The following FAM135A variants were observed in gnomAD, a reference collection of about 807,000 sequenced individuals.
The protein encoded by FAM135A is protein FAM135A.
A neutral mutation model predicts 146.8 loss-of-function variants in FAM135A; 79 were observed. That is an observed-to-expected ratio of 0.54 (90% CI 0.45 to 0.65). The LOEUF (loss-of-function observed/expected upper bound fraction) is 0.65. Among genes scored for constraint, FAM135A ranks in the 30% least tolerant of loss-of-function variants. The probability of loss-of-function intolerance (pLI) is 0.00; values close to 1 mark genes in which losing one functional copy is unlikely to be tolerated. For synonymous variants in FAM135A, 562 were observed against 603.6 expected (o/e 0.93, Z 1.01); for missense variants, 1,623 against 1,758.2 (o/e 0.92, Z 1.38).
chr6:70,490,375 T>A (rs908432140), intron 10 of FAM135A, among the ~76,000 whole-genome samples: 12 of 152,174 alleles, frequency 7.9e-5, no homozygotes, highest in African/African-American at 2.9e-4. Flanking sequence ...TATATTTTGT[T>A]AGTTTCTGTT....
chr6:70,552,949 C>T (rs1265516697), intron 20 of FAM135A, among the ~76,000 whole-genome samples: 1 of 152,060 alleles, frequency 6.6e-6, no homozygotes, highest in African/African-American at 2.4e-5. Context: ...GCACTAAGCA[C>T]TAACATATTT....
chr6:70,450,713 GTTGTTTTTTTTTTTTTTTTTTTTTTTTT>G (rs1049240648), intron 4 of FAM135A, among the ~76,000 whole-genome samples: 3 of 29,780 alleles, frequency 1.0e-4, no homozygotes, highest in Admixed American at 4.4e-4. Flanking sequence ...GACCCTTTTA[GTTGTTTTTTTTTTTTTTTTTTTTTTTTT>G]TTTTTTTTTT....
At chr6:70,437,979 T>C (rs1210256462) in intron 4 of FAM135A, among the ~76,000 whole-genome samples, 1 of 152,142 alleles carries the variant, frequency 6.6e-6, no homozygotes, top group Non-Finnish European at 1.5e-5. Context: ...ACTTATACCA[T>C]ATATTCATTT....
chr6:70,490,476 C>A (rs1041091258), intron 10 of FAM135A, among the ~76,000 whole-genome samples: 56 of 151,896 alleles, frequency 3.7e-4, no homozygotes, highest in African/African-American at 1.3e-3. Flanking sequence ...GAATTCTATG[C>A]AAATATCTGC....
chr6:70,450,718 T>G (rs1404472257), intron 4 of FAM135A, among the ~76,000 whole-genome samples: 6 of 41,264 alleles, frequency 1.5e-4, no homozygotes, highest in Admixed American at 7.4e-4. Context: ...TTTTAGTTGT[T>G]TTTTTTTTTT....
chr6:70,501,044 C>T (rs548012788), intron 11 of FAM135A, among the ~76,000 whole-genome samples: 1 of 152,346 alleles, frequency 6.6e-6, no homozygotes, highest in South Asian at 2.1e-4. Flanking sequence ...GGATCAGCTG[C>T]TCTCTTTAGA....
chr6:70,423,535 T>C (rs531559220), intron 2 of FAM135A, among the ~76,000 whole-genome samples: 22 of 152,314 alleles, frequency 1.4e-4, no homozygotes, highest in African/African-American at 5.1e-4. Context: ...CACTGTCAAG[T>C]TGGTATTCCA....
At chr6:70,418,727 C>T (rs1168667797) in intron 2 of FAM135A, among the ~76,000 whole-genome samples, 14 of 152,210 alleles carry the variant, frequency 9.2e-5, no homozygotes, top group Non-Finnish European at 1.8e-4. Flanking sequence ...CTCAGCCAAT[C>T]AAGAAGGAAA....
chr6:70,436,794 G>A (rs780072907), intron 4 of FAM135A, among the ~76,000 whole-genome samples: 9 of 152,118 alleles, frequency 5.9e-5, no homozygotes, highest in African/African-American at 1.2e-4. Flanking sequence ...AATAGTAATT[G>A]AATATCCCAA....
intron 4 of FAM135A, among the ~76,000 whole-genome samples, chr6:70,442,635 C>A (rs1774825859): frequency 6.6e-6 from 1 of 151,988 alleles, no homozygotes; most frequent in Non-Finnish European, 1.5e-5. Flanking sequence ...GATACATACA[C>A]TCTGTACCCT....
At chr6:70,526,840 A>C (rs1443498656) in intron 15 of FAM135A, 142 bp downstream of exon 15, 9 of 800,970 alleles carry the variant, frequency 1.1e-5, no homozygotes, top group South Asian at 7.3e-5. Flanking sequence ...TAAAGGATTG[A>C]GTGTCTATTT....
At chr6:70,453,248 A>G (rs1777533332) in intron 5 of FAM135A, among the ~76,000 whole-genome samples, 2 of 152,196 alleles carry the variant, frequency 1.3e-5, no homozygotes, top group Admixed American at 6.5e-5. Context: ...ACTAGTTTTT[A>G]AAGCACCATA....
intron 12 of FAM135A, among the ~76,000 whole-genome samples, chr6:70,506,511 T>C (rs1382737506): frequency 6.6e-6 from 1 of 152,114 alleles, no homozygotes; most frequent in Non-Finnish European, 1.5e-5. Context: ...TAAAGTTTTA[T>C]TTACAAAAAC....
Position 70,451,467 on chromosome 6 carries a change from T to C in FAM135A, c.78-1025T>C, listed in dbSNP as rs74578322. Among the ~76,000 whole-genome samples, 475 of 152,220 alleles carry C rather than the reference T, an allele frequency of 3.1e-3. 2 individuals carry two copies. Among genetic ancestry groups the C allele is most frequent in the African/African-American group, 0.011 (452 of 41,554 alleles). On this transcript the variant is annotated intron_variant, in intron 4 of 21. Coordinates refer to ENST00000418814, the MANE Select transcript of FAM135A (RefSeq NM_001162529.3). ...ATTCCACTTCGATCTTTTTTCACAGTTTTCTCATGTTTTCAAGCAGTCCTC... is the reference window on the plus strand; with the variant it reads ...ATTCCACTTCGATCTTTTTTCACAGCTTTCTCATGTTTTCAAGCAGTCCTC...
chr6:70,434,592 C>T (rs925110802), intron 4 of FAM135A, among the ~76,000 whole-genome samples: 3 of 152,144 alleles, frequency 2.0e-5, no homozygotes, highest in African/African-American at 7.2e-5. Context: ...CACAAAAATG[C>T]ACCCGTCTGT....
intron 5 of FAM135A, among the ~76,000 whole-genome samples, chr6:70,465,672 CTG>C (rs1455392836): frequency 6.6e-6 from 1 of 152,134 alleles, no homozygotes; most frequent in East Asian, 1.9e-4. Flanking sequence ...GAGCCACACA[CTG>C]TGTGTGGCCA....
chr6:70,458,017 AAAAT>A (rs1294697105), intron 5 of FAM135A, among the ~76,000 whole-genome samples: 1 of 152,192 alleles, frequency 6.6e-6, no homozygotes. Context: ...ATATCTTTTA[AAAAT>A]AAATAGTTTG....
chr6:70,463,396 G>A (rs890543750), intron 5 of FAM135A, among the ~76,000 whole-genome samples: 2 of 149,666 alleles, frequency 1.3e-5, no homozygotes, highest in African/African-American at 2.5e-5. Flanking sequence ...GACTACAGGC[G>A]CATGCCACCA....
chr6:70,505,235 T>G (rs1322374046), intron 12 of FAM135A, among the ~76,000 whole-genome samples: 2 of 152,180 alleles, frequency 1.3e-5, no homozygotes, highest in African/African-American at 4.8e-5. Context: ...CTGATCTTCT[T>G]TAGAAAATTT....
Sources: gnomAD v4.1 joint callset for allele counts (sites outside exome capture counted in the v4.1 genomes callset) on GRCh38, gnomAD v4.1.1 for gene constraint, MANE v1.5 for transcripts, NCBI Gene and HGNC (gene_info 2026-07-23, HGNC 2026-07-21) for gene names.